Variants in COL22A1 observed in about 807,000 individuals in gnomAD.
The protein encoded by COL22A1 is collagen type XXII alpha 1 chain.
COL22A1 carries 221 observed loss-of-function variants against 248.9 expected under a neutral mutation model. The ratio of observed to expected loss-of-function variants is 0.89; its 90% CI spans 0.80 to 0.99. The LOEUF (loss-of-function observed/expected upper bound fraction) is 0.99. Among genes scored for constraint, COL22A1 ranks in the 50% least tolerant of loss-of-function variants. The pLI is 0.00. For missense variants in COL22A1, 2,240 were observed against 2,179.0 expected (o/e 1.03, Z -0.56); for synonymous variants, 891 against 793.4 (o/e 1.12, Z -2.07).
At chr8:138,703,936 C>T (rs924516849) in intron 30 of COL22A1, among the ~76,000 whole-genome samples, 1 of 152,190 alleles carries the variant, frequency 6.6e-6, no homozygotes, top group African/African-American at 2.4e-5. Context: ...TAATACTGTG[C>T]TTTTCCAACA....
At position 138,598,712 on chromosome 8, in the gene COL22A1, T is replaced by A. The variant is rs184823302; in HGVS notation, c.4365+7A>T. On this transcript the variant is annotated splice_region_variant and intron_variant, in intron 61 of 64. Transcript: ENST00000303045. ...CCCCGAGTCCAAAGCCATATTAGCATCCTTACCCTCAGTCCTGGAAATCCC... is the reference window on the plus strand; with the variant it reads ...CCCCGAGTCCAAAGCCATATTAGCAACCTTACCCTCAGTCCTGGAAATCCC... 79 of 1,611,858 alleles carry A rather than the reference T, an allele frequency of 4.9e-5. No individual in the cohort carries two copies. The highest frequency in any genetic ancestry group is 3.7e-4 in the Middle Eastern group (2 of 5,440).
intron 16 of COL22A1, among the ~76,000 whole-genome samples, chr8:138,762,873 G>A (rs1018616533): frequency 1.3e-4 from 20 of 152,136 alleles, no homozygotes; most frequent in Admixed American, 9.8e-4. Context: ...GTGTGAACAT[G>A]CACCACATCC....
intron 2 of COL22A1, 54 bp downstream of exon 2, chr8:138,883,028 C>T (rs1433606823): frequency 2.8e-6 from 4 of 1,445,250 alleles, no homozygotes; most frequent in Admixed American, 2.0e-5. Context: ...CTCACGGACA[C>T]ATGCTGTCTG....
chr8:138,910,290 C>T lies in COL22A1; in HGVS notation c.-73+3329G>A, dbSNP rs12679664. ...CTGGTTGTCTCAGACACCAATTCTT[C>T]CCCTCAACATACACACCCACACAGA... On this transcript the variant is annotated intron_variant, in intron 1 of 64. Transcript: ENST00000303045. 7.2e-4 allele frequency among the ~76,000 whole-genome samples: 110 copies of T among 152,318 alleles called. No individual in the cohort carries two copies. In the East Asian group the frequency reaches 0.019, roughly 26 times the overall value.
rs113174514 is a variant in COL22A1, at chr8:138,881,410, G to A, written c.91+1672C>T. On this transcript the variant is annotated intron_variant, in intron 2 of 64. Transcript: ENST00000303045. ...CCTTAGAATGTCACTTTCTGGGTGGGTGTGGTGGCTCATGCCTGTAATCCC... is the reference window on the plus strand; with the variant it reads ...CCTTAGAATGTCACTTTCTGGGTGGATGTGGTGGCTCATGCCTGTAATCCC... 8.1e-3 allele frequency among the ~76,000 whole-genome samples: 1,240 copies of A among 152,242 alleles called. 11 individuals carry two copies. The highest frequency in any genetic ancestry group is 0.028 in the African/African-American group (1,165 of 41,546).
intron 12 of COL22A1, among the ~76,000 whole-genome samples, chr8:138,785,729 T>A (rs1402261270): frequency 6.6e-6 from 1 of 152,206 alleles, no homozygotes; most frequent in Non-Finnish European, 1.5e-5. Flanking sequence ...TTGTTGGTTC[T>A]TTCAAATAGA....
At chr8:138,595,080 G>T (rs1415078012) in intron 62 of COL22A1, among the ~76,000 whole-genome samples, 1 of 152,080 alleles carries the variant, frequency 6.6e-6, no homozygotes, top group Non-Finnish European at 1.5e-5. Flanking sequence ...CTATTTTGCA[G>T]ACAGTGTGAC....
At chr8:138,723,600 C>A (rs1830069993) in intron 25 of COL22A1, among the ~76,000 whole-genome samples, 1 of 152,242 alleles carries the variant, frequency 6.6e-6, no homozygotes, top group African/African-American at 2.4e-5. Context: ...TTTGAGCTTT[C>A]AGATGATCCC....
intron 3 of COL22A1, among the ~76,000 whole-genome samples, chr8:138,858,826 C>T (rs1300128927): frequency 6.6e-6 from 1 of 152,178 alleles, no homozygotes; most frequent in African/African-American, 2.4e-5. Context: ...AAAGGAGTGG[C>T]ACATCGCAAG....
intron 40 of COL22A1, 131 bp downstream of exon 40, chr8:138,679,486 A>C: frequency 1.3e-6 from 1 of 766,832 alleles, no homozygotes; most frequent in South Asian, 1.5e-5. Flanking sequence ...ATCTTCTTCC[A>C]TCCATGTTCT....
At chr8:138,900,949 A>AT (rs1275808322) in intron 1 of COL22A1, among the ~76,000 whole-genome samples, 1 of 152,134 alleles carries the variant, frequency 6.6e-6, no homozygotes, top group Non-Finnish European at 1.5e-5. Flanking sequence ...TGGGTAGGAC[A>AT]TTTTTTACAC....
chr8:138,839,898 T>C (rs11787056), intron 4 of COL22A1, among the ~76,000 whole-genome samples: 75,281 of 151,984 alleles, frequency 0.5, 19,120 homozygotes, highest in Middle Eastern at 0.6. Context: ...CTTGAAGACA[T>C]TCTGTAGGAT....
intron 1 of COL22A1, among the ~76,000 whole-genome samples, chr8:138,895,526 T>A (rs552651150): frequency 1.3e-5 from 2 of 151,506 alleles, no homozygotes; most frequent in African/African-American, 4.9e-5. Context: ...TTAGAAAACA[T>A]AGAGCAGGCC....
intron 48 of COL22A1, 107 bp downstream of exon 48, chr8:138,636,635 C>T: frequency 1.2e-6 from 1 of 834,376 alleles, no homozygotes; most frequent in South Asian, 1.5e-5. Context: ...AAAAATCCTG[C>T]TACAGGCAAA....
chr8:138,665,268 G>C (rs1587810807), intron 41 of COL22A1, among the ~76,000 whole-genome samples: 1 of 152,194 alleles, frequency 6.6e-6, no homozygotes, highest in African/African-American at 2.4e-5. Context: ...TGCAGAGACA[G>C]GAAGCGAGGC....
At chr8:138,778,553 C>T (rs1181165813) in intron 14 of COL22A1, 147 bp from the exon 15 acceptor site, 7 of 658,012 alleles carry the variant, frequency 1.1e-5, no homozygotes, top group Admixed American at 9.8e-5. Flanking sequence ...GCACAGGTCT[C>T]GCCAGCAGAC....
At chr8:138,776,528 C>T (rs1814476939) in intron 15 of COL22A1, among the ~76,000 whole-genome samples, 1 of 152,166 alleles carries the variant, frequency 6.6e-6, no homozygotes, top group South Asian at 2.1e-4. Context: ...AGACCTTGTG[C>T]TGTGGACTCC....
At chr8:138,646,012 C>T (rs1486838955) in intron 47 of COL22A1, among the ~76,000 whole-genome samples, 1 of 152,162 alleles carries the variant, frequency 6.6e-6, no homozygotes, top group Non-Finnish European at 1.5e-5. Flanking sequence ...AATACTAACA[C>T]CACCAACAGC....
At chr8:138,673,419 G>A (rs1186677795) in intron 41 of COL22A1, among the ~76,000 whole-genome samples, 4 of 151,998 alleles carry the variant, frequency 2.6e-5, no homozygotes, top group African/African-American at 9.7e-5. Context: ...CATGTTGCCA[G>A]GCTGGTTTCA....
Sources: gnomAD v4.1 joint callset for allele counts (sites outside exome capture counted in the v4.1 genomes callset) on GRCh38, gnomAD v4.1.1 for gene constraint, MANE v1.5 for transcripts, NCBI Gene and HGNC (gene_info 2026-07-23, HGNC 2026-07-21) for gene names.